Variants in ADCY9 observed in about 807,000 individuals in gnomAD.
ADCY9 encodes adenylate cyclase type 9.
A neutral mutation model predicts 101.5 loss-of-function variants in ADCY9; 50 were observed. The observed-to-expected ratio is 0.49, with a 90% CI of 0.39 to 0.62. The LOEUF is 0.62. ADCY9 is among the 20% of genes least tolerant of loss of function. The pLI is 0.00. For synonymous variants in ADCY9, 905 were observed against 769.3 expected, an observed-to-expected ratio of 1.18 and a Z score of -2.92; for missense variants, 1,662 against 1,800.4, an observed-to-expected ratio of 0.92 and a Z score of 1.39.
At chr16:3,959,345 GA>G (rs2055925455), downstream of ADCY9, among the ~76,000 whole-genome samples, 1 of 140,346 alleles carries the variant, frequency 7.1e-6, no homozygotes, top group African/African-American at 2.7e-5. Context: ...TTGGATGACA[GA>G]GTGAGACTCT....
chr16:3,969,223 T>C (rs529803982), intron 10 of ADCY9, among the ~76,000 whole-genome samples: 1 of 152,144 alleles, frequency 6.6e-6, no homozygotes, highest in Non-Finnish European at 1.5e-5. Flanking sequence ...AGATGAGTGG[T>C]GAGTAGCACA....
chr16:4,054,900 A>G (rs1403190204), intron 2 of ADCY9, among the ~76,000 whole-genome samples: 1 of 152,210 alleles, frequency 6.6e-6, no homozygotes, highest in African/African-American at 2.4e-5. Context: ...CAAGTTATAC[A>G]AAAGAATCCC....
intron 2 of ADCY9, among the ~76,000 whole-genome samples, chr16:4,052,069 G>GT (rs1026472273): frequency 3.3e-5 from 5 of 152,082 alleles, no homozygotes; most frequent in African/African-American, 1.2e-4. Context: ...CGTTCCTGTC[G>GT]TGACAACCCT....
At chr16:4,070,055 G>A (rs908922940) in intron 2 of ADCY9, among the ~76,000 whole-genome samples, 6 of 152,132 alleles carry the variant, frequency 3.9e-5, no homozygotes, top group African/African-American at 9.7e-5. Context: ...TTAAGATTGC[G>A]CTACTGCACT....
intron 9 of ADCY9, among the ~76,000 whole-genome samples, chr16:3,975,633 C>T (rs1040484164): frequency 6.6e-6 from 1 of 152,342 alleles, no homozygotes; most frequent in South Asian, 2.1e-4. Flanking sequence ...CTCTTAATAA[C>T]TCAGGGAGCC....
At chr16:4,102,054 C>T (rs1009496673) in intron 2 of ADCY9, among the ~76,000 whole-genome samples, 5 of 152,136 alleles carry the variant, frequency 3.3e-5, no homozygotes, top group Non-Finnish European at 5.9e-5. Context: ...CGGTACTGAA[C>T]GACACAAGAT....
At chr16:3,994,048 C>G (rs2056268678) in intron 3 of ADCY9, among the ~76,000 whole-genome samples, 1 of 152,134 alleles carries the variant, frequency 6.6e-6, no homozygotes, top group Non-Finnish European at 1.5e-5. Flanking sequence ...TGTGCCCCCT[C>G]AAAAGTCAGA....
Position 3,988,974 on chromosome 16 carries a change from G to T in ADCY9, c.2310+20C>A, listed in dbSNP as rs368027880. On this transcript the variant is annotated intron_variant, in intron 6 of 10. Coordinates refer to ENST00000294016, the MANE Select transcript of ADCY9 (RefSeq NM_001116.4). ...AACAAACACATTCTTTAGTAAAAGC[G>T]CAAGGAGAAATGAACGCACCTCTTC... 7.2e-5 allele frequency: 113 copies of T among 1,569,734 alleles called. No individual in the cohort carries two copies. The highest frequency in any genetic ancestry group is 9.2e-5 in the Non-Finnish European group (105 of 1,140,086).
chr16:4,112,029 C>T (rs369839158), intron 2 of ADCY9, among the ~76,000 whole-genome samples: 4 of 152,238 alleles, frequency 2.6e-5, no homozygotes, highest in East Asian at 3.9e-4. Context: ...GCTTACAAAA[C>T]GTTCTCATTG....
intron 2 of ADCY9, among the ~76,000 whole-genome samples, chr16:4,097,551 A>ATTTTTT (rs1385822000): frequency 3.1e-3 from 158 of 51,018 alleles, no homozygotes; most frequent in Middle Eastern, 0.017. Context: ...ATATATATAT[A>ATTTTTT]TATTTTTTTT....
intron 2 of ADCY9, among the ~76,000 whole-genome samples, chr16:4,017,932 C>T (rs1466844733): frequency 1.3e-5 from 2 of 152,208 alleles, no homozygotes; most frequent in South Asian, 2.1e-4. Flanking sequence ...AGGTGTAGCC[C>T]GCACAGCATG....
chr16:3,989,199 T>A, intron 5 of ADCY9, 103 bp from the exon 6 acceptor site: 1 of 822,384 alleles, frequency 1.2e-6, no homozygotes, highest in Non-Finnish European at 2.0e-6. Context: ...TTAGGTATAT[T>A]ACAACAGCTG....
intron 10 of ADCY9, among the ~76,000 whole-genome samples, chr16:3,968,022 G>A (rs2056014824): frequency 6.6e-6 from 1 of 151,816 alleles, no homozygotes; most frequent in East Asian, 1.9e-4. Flanking sequence ...AAAGTAAGTT[G>A]CTGACATGGC....
intron 2 of ADCY9, among the ~76,000 whole-genome samples, chr16:4,054,689 G>GC (rs1233011208): frequency 2.0e-5 from 3 of 151,870 alleles, no homozygotes; most frequent in African/African-American, 7.2e-5. Flanking sequence ...TCCTGCTTCA[G>GC]CCTCCCGAGT....
In ADCY9 at chr16:4,114,934, C is replaced by T. The variant is rs1475963820; in HGVS notation, c.509G>A (p.Arg170Gln). Residue 170 changes from arginine to glutamine, a missense_variant, in exon 2 of 11, where the codon CGG becomes CAG. Arg to Gln is a conservative substitution (Grantham distance 43, BLOSUM62 1). Transcript: ENST00000294016. The surrounding 1 kb of genome is among the most constrained non-coding windows in gnomAD (Gnocchi z 4.3). The part of the protein sequence containing the change: ...FLFTFTKLYA[R>Q]HYAWTSLALT... ...AGCCAGCGAGGTCCACGCGTAATGC[C>T]GGGCGTACAGCTTGGTGAAGGTAAA... 1.9e-6 allele frequency: 3 copies of T among 1,613,934 alleles called. No homozygotes were observed. Among genetic ancestry groups the T allele is most frequent in the African/African-American group, 1.3e-5 (1 of 75,070 alleles).
intron 3 of ADCY9, among the ~76,000 whole-genome samples, chr16:4,001,545 C>T (rs1030346310): frequency 3.9e-5 from 6 of 152,062 alleles, no homozygotes; most frequent in Non-Finnish European, 8.8e-5. Context: ...TATTCCTACC[C>T]CGCCCCCCAC....
chr16:4,060,025 C>A (rs543384896), intron 2 of ADCY9, among the ~76,000 whole-genome samples: 1 of 152,202 alleles, frequency 6.6e-6, no homozygotes, highest in African/African-American at 2.4e-5. Context: ...CTACATCTAC[C>A]AGGGTGGGAC....
chr16:4,107,634 C>T (rs1024968859), intron 2 of ADCY9, among the ~76,000 whole-genome samples: 15 of 147,520 alleles, frequency 1.0e-4, no homozygotes, highest in African/African-American at 1.5e-4. Flanking sequence ...GCTCTGCTAA[C>T]GGGTTAGCAT....
At chr16:3,993,603 G>A (rs2056264687) in intron 3 of ADCY9, 93 bp from the exon 4 acceptor site, 1 of 1,494,964 alleles carries the variant, frequency 6.7e-7, no homozygotes, top group Non-Finnish European at 9.2e-7. Context: ...CTGCCGTCAC[G>A]CAGCATGGTG....
Sources: gnomAD v4.1 joint callset for allele counts (sites outside exome capture counted in the v4.1 genomes callset) on GRCh38, gnomAD v4.1.1 for gene constraint, Gnocchi (gnomAD v3.1) non-coding constraint, MANE v1.5 for transcripts, NCBI Gene and HGNC (gene_info 2026-07-23, HGNC 2026-07-21) for gene names.